Variants in POU2AF3 observed in about 807,000 individuals in gnomAD.
POU2AF3 encodes the protein POU class 2 homeobox associating factor 3.
At chr11:111,308,391 G>A in the POU2AF3 span, 2 of 1,551,578 alleles carry the variant, frequency 1.3e-6, no homozygotes, top group Middle Eastern at 1.7e-4. Flanking sequence ...GCCGCCACCA[G>A]TGATTTCTAT....
chr11:111,307,696 GAA>G, the POU2AF3 span, among the ~76,000 whole-genome samples: 2 of 152,240 alleles, frequency 1.3e-5, no homozygotes, highest in Non-Finnish European at 2.9e-5. Context: ...AGGGTGTGGA[GAA>G]ACATCCAGGG....
chr11:111,298,824 A>AGGGGG, the POU2AF3 span: 38 of 903,120 alleles, frequency 4.2e-5, no homozygotes, highest in South Asian at 5.8e-5. Flanking sequence ...CGCGTACCCC[A>AGGGGG]GGCCCCCGCC....
the POU2AF3 span, among the ~76,000 whole-genome samples, chr11:111,303,790 G>A: frequency 6.6e-6 from 1 of 151,904 alleles, no homozygotes; most frequent in Non-Finnish European, 1.5e-5. Context: ...ATGGGAGTGA[G>A]TATGCCCTGT....
the POU2AF3 span, chr11:111,298,925 C>T: frequency 9.4e-7 from 1 of 1,068,596 alleles, no homozygotes; most frequent in Non-Finnish European, 1.1e-6. Flanking sequence ...TAGAGGCTCA[C>T]AGTGAGCCTG....
chr11:111,308,228 C>T, the POU2AF3 span: 1 of 1,551,836 alleles, frequency 6.4e-7, no homozygotes, highest in Non-Finnish European at 8.7e-7. Context: ...TTCCTACCAA[C>T]ACTTGTCCTC....
the POU2AF3 span, among the ~76,000 whole-genome samples, chr11:111,302,083 A>G: frequency 6.6e-6 from 1 of 152,166 alleles, no homozygotes; most frequent in Non-Finnish European, 1.5e-5. Context: ...CCACTATTTC[A>G]TTTAGTTTTT....
chr11:111,299,533 G>T, the POU2AF3 span: 5 of 1,181,980 alleles, frequency 4.2e-6, no homozygotes, highest in Non-Finnish European at 5.2e-6. Flanking sequence ...GAGCGCGCCC[G>T]CCACCTCCCG....
the POU2AF3 span, chr11:111,298,843 C>CCCCCAGA: frequency 8.4e-7 from 1 of 1,187,162 alleles, no homozygotes; most frequent in Non-Finnish European, 1.0e-6. Flanking sequence ...CCCGCCCTCC[C>CCCCCAGA]ACGTATCCAC....
At chr11:111,302,818 C>T in the POU2AF3 span, among the ~76,000 whole-genome samples, 3 of 152,248 alleles carry the variant, frequency 2.0e-5, no homozygotes, top group Admixed American at 6.5e-5. Context: ...TGGAAGCCAT[C>T]GGATGGATCT....
the POU2AF3 span, chr11:111,299,888 T>G: frequency 2.1e-6 from 1 of 479,808 alleles, no homozygotes; most frequent in Non-Finnish European, 3.3e-6. Flanking sequence ...GCCCCTTTAC[T>G]AGGTCAGTCT....
At chr11:111,298,826 G>GGGGGGGGCCC in the POU2AF3 span, 15 of 790,954 alleles carry the variant, frequency 1.9e-5, no homozygotes, top group South Asian at 6.7e-5. Context: ...CGTACCCCAG[G>GGGGGGGGCCC]CCCCCGCCCG....
At chr11:111,300,880 G>A in the POU2AF3 span, among the ~76,000 whole-genome samples, 1 of 152,236 alleles carries the variant, frequency 6.6e-6, no homozygotes, top group African/African-American at 2.4e-5. Flanking sequence ...TAAAAAGTGC[G>A]TTGGTCCTCT....
the POU2AF3 span, among the ~76,000 whole-genome samples, chr11:111,307,242 A>G: frequency 6.6e-6 from 1 of 152,120 alleles, no homozygotes; most frequent in Admixed American, 6.5e-5. Context: ...GTTATCCTTC[A>G]AAATGAAGTA....
At chr11:111,303,801 A>G in the POU2AF3 span, among the ~76,000 whole-genome samples, 1 of 152,100 alleles carries the variant, frequency 6.6e-6, no homozygotes, top group South Asian at 2.1e-4. Flanking sequence ...TATGCCCTGT[A>G]ACCCAAAAGA....
the POU2AF3 span, among the ~76,000 whole-genome samples, chr11:111,304,673 C>G: frequency 6.6e-6 from 1 of 152,010 alleles, no homozygotes; most frequent in East Asian, 1.9e-4. Flanking sequence ...ATACACCTAC[C>G]GCAATTCTAT....
chr11:111,299,816 C>T, the POU2AF3 span: 3 of 897,460 alleles, frequency 3.3e-6, no homozygotes, highest in Non-Finnish European at 4.4e-6. Context: ...AGAAAAGGGA[C>T]GAGGGAGAGC....
the POU2AF3 span, among the ~76,000 whole-genome samples, chr11:111,301,710 G>A: frequency 2.0e-5 from 3 of 152,186 alleles, no homozygotes; most frequent in South Asian, 4.1e-4. Flanking sequence ...TCAAATTGGG[G>A]ATGATAGGAT....
the POU2AF3 span, chr11:111,298,826 G>GGGGGGGCGGC: frequency 1.3e-6 from 1 of 790,962 alleles, no homozygotes; most frequent in Non-Finnish European, 1.7e-6. Context: ...CGTACCCCAG[G>GGGGGGGCGGC]CCCCCGCCCG....
the POU2AF3 span, chr11:111,306,461 T>G: frequency 6.6e-7 from 1 of 1,507,346 alleles, no homozygotes; most frequent in Non-Finnish European, 8.9e-7. Context: ...AATTTTCCAG[T>G]TGTGTTTCAT....
Sources: allele counts gnomAD v4.1 joint callset (sites outside exome capture counted in the v4.1 genomes callset), GRCh38; gene constraint gnomAD v4.1.1; transcripts MANE v1.5; gene names NCBI Gene and HGNC (gene_info 2026-07-23, HGNC 2026-07-21).